The following CCDC7 variants were observed in gnomAD, a reference collection of about 807,000 sequenced individuals.
The protein encoded by CCDC7 is coiled-coil domain-containing protein 7.
A neutral mutation model predicts 196.9 loss-of-function variants in CCDC7; 183 were observed. The ratio of observed to expected loss-of-function variants is 0.93; its 90% CI spans 0.82 to 1.05. The LOEUF is 1.05. Ranked by LOEUF, CCDC7 falls within the 50% of genes least tolerant of loss-of-function variation. CCDC7 has a pLI of 0.00. For missense variants in CCDC7, 1,540 were observed against 1,482.2 expected (o/e 1.04, Z -0.64); for synonymous variants, 525 against 484.6 (o/e 1.08, Z -1.10).
chr10:32,563,522 C>A (rs1268589511), intron 13 of CCDC7, among the ~76,000 whole-genome samples: 1 of 152,126 alleles, frequency 6.6e-6, no homozygotes, highest in Non-Finnish European at 1.5e-5. Context: ...TGATCTTTGA[C>A]AAACCTGAGA....
chr10:32,873,073 G>T (rs1299604398), intron 41 of CCDC7, among the ~76,000 whole-genome samples: 1 of 151,952 alleles, frequency 6.6e-6, no homozygotes, highest in Non-Finnish European at 1.5e-5. Flanking sequence ...TCCTGAATTT[G>T]AATGTTGGCC....
intron 37 of CCDC7, among the ~76,000 whole-genome samples, 199 bp downstream of exon 38, chr10:32,846,658 A>G (rs570718485): frequency 2.0e-5 from 3 of 152,182 alleles, no homozygotes; most frequent in African/African-American, 7.2e-5. Flanking sequence ...AAACTCATCC[A>G]TTTGAAAAGT....
At chr10:32,807,759 A>G (rs2086143841) in intron 30 of CCDC7, among the ~76,000 whole-genome samples, 1 of 151,688 alleles carries the variant, frequency 6.6e-6, no homozygotes, top group Non-Finnish European at 1.5e-5. Flanking sequence ...AGCTCATGTG[A>G]GTCACACACA....
Position 32,518,429 on chromosome 10 carries a change from T to TG in CCDC7, c.918dup (p.Gln307AlafsTer3), listed in dbSNP as rs759408287. ...ATTTGTTTTTAGGAATACAAACAGATGCAGTGTGATTTTCAGTTGTTATCA... is the reference window on the plus strand; with the variant it reads ...ATTTGTTTTTAGGAATACAAACAGATGGCAGTGTGATTTTCAGTTGTTATCA... On this transcript the variant is annotated frameshift_variant, in exon 11 of 42. Coordinates refer to ENST00000639629, the Ensembl canonical transcript of CCDC7. LOFTEE classifies it high-confidence loss of function. The TG allele has an allele frequency of 1.2e-6, 2 of 1,603,122 alleles. No homozygotes were observed. The highest frequency in any genetic ancestry group is 2.3e-5 in the East Asian group (1 of 44,132).
intron 13 of CCDC7, among the ~76,000 whole-genome samples, chr10:32,563,440 A>G (rs2056159066): frequency 6.6e-6 from 1 of 152,236 alleles, no homozygotes; most frequent in Non-Finnish European, 1.5e-5. Context: ...TGGTACTGGT[A>G]CCAAAACAGA....
chr10:32,609,014 C>T (rs2061818207), intron 18 of CCDC7, among the ~76,000 whole-genome samples: 1 of 152,104 alleles, frequency 6.6e-6, no homozygotes, highest in Non-Finnish European at 1.5e-5. Flanking sequence ...TTTGATGAGG[C>T]TGGTTTTGTA....
At chr10:32,568,101 G>A (rs2057108511) in intron 15 of CCDC7, among the ~76,000 whole-genome samples, 1 of 145,046 alleles carries the variant, frequency 6.9e-6, no homozygotes, top group African/African-American at 2.6e-5. Context: ...CCAACTCCCT[G>A]GTTCAAGGGA....
At chr10:32,758,816 T>G (rs1415496275) in intron 28 of CCDC7, among the ~76,000 whole-genome samples, 1 of 152,204 alleles carries the variant, frequency 6.6e-6, no homozygotes, top group Non-Finnish European at 1.5e-5. Flanking sequence ...TATCCCTGTT[T>G]GCAGATGACA....
intron 18 of CCDC7, among the ~76,000 whole-genome samples, chr10:32,621,456 C>T (rs1320070575): frequency 2.0e-5 from 3 of 152,116 alleles, no homozygotes; most frequent in African/African-American, 7.2e-5. Flanking sequence ...CCAATAGGAT[C>T]TGTCTGTCTG....
intron 20 of CCDC7, among the ~76,000 whole-genome samples, chr10:32,662,317 T>G (rs2071650651): frequency 6.6e-6 from 1 of 152,200 alleles, no homozygotes; most frequent in South Asian, 2.1e-4. Context: ...AACCAGATAC[T>G]GTGAGTGTTC....
At chr10:32,859,421 G>A (rs1016022384) in intron 41 of CCDC7, among the ~76,000 whole-genome samples, 5 of 152,154 alleles carry the variant, frequency 3.3e-5, no homozygotes, top group African/African-American at 1.2e-4. Flanking sequence ...TTAAAGCAGT[G>A]TGTAGAAGGA....
At chr10:32,828,485 G>GGAAGAGGAAGAAGAAGAAAA in intron 32 of CCDC7, among the ~76,000 whole-genome samples, 1 of 49,750 alleles carries the variant, frequency 2.0e-5, no homozygotes, top group African/African-American at 6.2e-5. Context: ...AAGAGGAAGA[G>GGAAGAGGAAGAAGAAGAAAA]GAAGAAGAAG....
intron 13 of CCDC7, among the ~76,000 whole-genome samples, chr10:32,564,544 C>T (rs557486046): frequency 0.046 from 6,956 of 151,438 alleles, 517 homozygotes; most frequent in African/African-American, 0.16. Context: ...AGTAAACTAT[C>T]GCAAGAACAA....
Position 32,531,196 on chromosome 10 carries a change from C to A in CCDC7, c.994-12104C>A, listed in dbSNP as rs569986609. ...GGAGTGCAATGGTGTGATTTTGGCTCACTGCAGCTTTGGCCTCCTGGGCTC... is the reference window on the plus strand; with the variant it reads ...GGAGTGCAATGGTGTGATTTTGGCTAACTGCAGCTTTGGCCTCCTGGGCTC... On this transcript the variant is annotated intron_variant, in intron 11 of 41. Coordinates refer to ENST00000639629, the Ensembl canonical transcript of CCDC7. Among the ~76,000 whole-genome samples, 5 of 152,166 alleles carry A rather than the reference C, an allele frequency of 3.3e-5. No homozygotes were observed. The East Asian group carries it at 9.7e-4, about 29-fold the overall frequency.
intron 18 of CCDC7, among the ~76,000 whole-genome samples, chr10:32,621,411 C>A (rs1290303153): frequency 6.6e-6 from 1 of 152,104 alleles, no homozygotes; most frequent in Non-Finnish European, 1.5e-5. Context: ...CTGCTGCCAC[C>A]ACTGTATTAG....
At chr10:32,839,189 G>C (rs2092812912) in intron 33 of CCDC7, among the ~76,000 whole-genome samples, 1 of 151,808 alleles carries the variant, frequency 6.6e-6, no homozygotes, top group Non-Finnish European at 1.5e-5. Context: ...AAAAGATACA[G>C]AATGGCAGAA....
chr10:32,585,166 C>T (rs552847003), intron 18 of CCDC7, among the ~76,000 whole-genome samples: 9 of 151,988 alleles, frequency 5.9e-5, no homozygotes, highest in East Asian at 5.8e-4. Flanking sequence ...CTCCGCCTCC[C>T]GGGTTCACGC....
intron 13 of CCDC7, among the ~76,000 whole-genome samples, chr10:32,551,779 A>G (rs568001336): frequency 1.2e-3 from 184 of 152,016 alleles, no homozygotes; most frequent in African/African-American, 4.1e-3. Flanking sequence ...TATACTGTCA[A>G]TTTTCTTAAA....
chr10:32,587,647 C>CT (rs2059414118), intron 18 of CCDC7, among the ~76,000 whole-genome samples: 2 of 152,198 alleles, frequency 1.3e-5, no homozygotes, highest in Admixed American at 6.5e-5. Flanking sequence ...TATGTTAACT[C>CT]TAATGTTTTT....
Sources: gnomAD v4.1 joint callset for allele counts (sites outside exome capture counted in the v4.1 genomes callset) on GRCh38, gnomAD v4.1.1 for gene constraint, MANE v1.5 for transcripts, NCBI Gene and HGNC (gene_info 2026-07-23, HGNC 2026-07-21) for gene names.